The following TPRG1L variants were observed in gnomAD, a reference collection of about 807,000 sequenced individuals.
TPRG1L encodes the protein tumor protein p63-regulated gene 1-like protein.
A neutral mutation model predicts 29.4 loss-of-function variants in TPRG1L; 25 were observed. The observed-to-expected ratio is 0.85, with a 90% confidence interval of 0.62 to 1.19. The LOEUF (loss-of-function observed/expected upper bound fraction) is 1.19, where lower values mean the gene tolerates loss of function less well. Among genes scored for constraint, TPRG1L ranks in the 50% most tolerant of loss-of-function variants. The pLI, the probability that TPRG1L is intolerant of heterozygous loss-of-function variation, is 0.00. For synonymous variants in TPRG1L, 182 were observed against 151.1 expected (o/e 1.20, Z -1.50); for missense variants, 354 against 364.4 (o/e 0.97, Z 0.23).
At chr1:3,628,371 C>A in intron 4 of TPRG1L, 38 bp from the exon 5 acceptor site, 1 of 1,523,774 alleles carries the variant, frequency 6.6e-7, no homozygotes, top group South Asian at 1.2e-5. Flanking sequence ...TCTTATCTTG[C>A]CTGACAGTTA....
chr1:3,627,806 T>A (rs554255640), intron 4 of TPRG1L, among the ~76,000 whole-genome samples, 153 bp downstream of exon 4: 36 of 152,302 alleles, frequency 2.4e-4, no homozygotes, highest in African/African-American at 8.7e-4. Context: ...GAAGCTCTCA[T>A]TTTAGAGTTG....
At chr1:3,625,543 G>T (rs1415931770) in intron 2 of TPRG1L, 28 bp downstream of exon 2, 3 of 1,513,250 alleles carry the variant, frequency 2.0e-6, no homozygotes, top group East Asian at 4.9e-5. Context: ...TCTCCTTGGT[G>T]GGGGGACTCG....
Position 3,628,866 on chromosome 1 carries a change from CTGG to C in TPRG1L, c.*265_*267del, listed in dbSNP as rs1241699489. 2.3e-5 allele frequency: 8 copies of C among 350,270 alleles called. No homozygotes were observed. Among genetic ancestry groups the C allele is most frequent in the Non-Finnish European group, 4.2e-5 (8 of 192,154 alleles). The allele number at this position is 350,270 out of a possible 1,614,324, so 21.7% of individuals were successfully genotyped here. On this transcript the variant is annotated 3_prime_UTR_variant, in exon 5 of 5. Transcript: ENST00000378344. ...AAAGACTCTCGCTGTCCCTGTGCTG[CTGG>C]TATTTCATTCTCTGTAACTTCAGTT...
intron 3 of TPRG1L, among the ~76,000 whole-genome samples, chr1:3,626,092 G>A (rs1022659860): frequency 2.6e-5 from 4 of 152,228 alleles, no homozygotes; most frequent in African/African-American, 9.6e-5. Flanking sequence ...AGGAATTCTG[G>A]CACAGAAGGC....
Position 3,625,107 on chromosome 1 carries a change from G to A in TPRG1L, c.35G>A (p.Gly12Asp). Residue 12 changes from glycine to aspartate, a missense_variant, in exon 1 of 5, where the codon GGT becomes GAT. Gly to Asp is a moderately conservative substitution (Grantham distance 94). Transcript: ENST00000378344. ...CTGCGGGACTCGGTGGACTCGGCCG[G>A]TACGAGCCCCACGGCGGTGCTGGCG... ...LQLRDSVDSA[G>D]TSPTAVLAAG... 3 of 1,224,670 alleles carry A rather than the reference G, an allele frequency of 2.4e-6. No homozygotes were observed. The highest frequency in any genetic ancestry group is 3.1e-6 in the Non-Finnish European group (3 of 976,434). The allele number at this position is 1,224,670 out of a possible 1,614,324, so 75.9% of individuals were successfully genotyped here. A position where few individuals can be genotyped will look rare whatever the true frequency, so the allele number is the denominator to read the frequency against.
chr1:3,625,993 A>G (rs1644485671), intron 3 of TPRG1L, 104 bp downstream of exon 3: 3 of 1,128,508 alleles, frequency 2.7e-6, no homozygotes, highest in East Asian at 5.1e-5. Context: ...CTTCTCTGTC[A>G]TTAATTATAA....
At position 3,625,165 on chromosome 1, in the gene TPRG1L, G is replaced by T; in HGVS notation, c.93G>T (p.Pro31=). 1.6e-6 allele frequency: 2 copies of T among 1,239,974 alleles called. No homozygotes were observed. The allele number at this position is 1,239,974 out of a possible 1,614,324, so 76.8% of individuals were successfully genotyped here. A position where few individuals can be genotyped will look rare whatever the true frequency, so the allele number is the denominator to read the frequency against. The change falls in exon 1 of 5, where the codon CCG becomes CCT. Residue 31 remains proline, a synonymous_variant. Coordinates refer to ENST00000378344, the MANE Select transcript of TPRG1L (RefSeq NM_182752.4). ...AGGAGGTGGGGGCAGGCGGCGGCCC[G>T]GGCGGGGGGCGGCCGGGGGCGGGGA... The part of the protein sequence containing the change: ...AGEEVGAGGG[P]GGGRPGAGTP...
rs1349824158 is a variant in TPRG1L at position 3,628,793 on chromosome 1, T to C, written c.*190T>C. 1 of 538,682 alleles carries C rather than the reference T, an allele frequency of 1.9e-6. No individual in the cohort carries two copies. The highest frequency in any genetic ancestry group is 2.9e-5 in the East Asian group (1 of 34,238). 33.4% of individuals were successfully genotyped at this position (538,682 alleles called of 1,614,324 possible). On this transcript the variant is annotated 3_prime_UTR_variant, in exon 5 of 5. Coordinates refer to ENST00000378344, the MANE Select transcript of TPRG1L (RefSeq NM_182752.4). ...AGAATCGTAAAGTGAATTCTATCTA[T>C]TTAATTGGATATTGGACTCTGCTCA...
chr1:3,625,724 G>A lies in TPRG1L; in HGVS notation c.305G>A (p.Trp102Ter). 1 of 1,612,620 alleles carries A rather than the reference G, an allele frequency of 6.2e-7. No individual in the cohort carries two copies. Among genetic ancestry groups the A allele is most frequent in the South Asian group, 1.1e-5 (1 of 90,948 alleles). Residue 102 changes from tryptophan to a stop codon, truncating the protein, a stop_gained, in exon 3 of 5, where the codon TGG becomes TAG. Coordinates refer to ENST00000378344, the MANE Select transcript of TPRG1L (RefSeq NM_182752.4). LOFTEE classifies it high-confidence loss of function. Reference sequence around the variant, plus strand: ...TCCTCTGCCTACAGGGTGGATCACTGGAACAATGAGAAGGAGCGGCTGGTG... The same window carrying A: ...TCCTCTGCCTACAGGGTGGATCACTAGAACAATGAGAAGGAGCGGCTGGTG... ...GVWLLTEVDH[W>*]NNEKERLVLV...
rs143747731 is a variant in TPRG1L, at chr1:3,628,427, C to G, written c.643C>G (p.Leu215Val). The stretch of plus-strand genomic sequence containing the variant: ...TTTAAAGTTGGAAAGCTTCAAGGCT[C>G]TGTTAATCCAAGCTGTCAAAAAAGC... ...SLCQLESFKALLIQAVKKAQK... is the reference protein window; with the variant it reads ...SLCQLESFKAVLIQAVKKAQK... The change falls in exon 5 of 5, where the codon CTG becomes GTG. Residue 215 changes from leucine to valine, a missense_variant. Leu to Val is a conservative substitution (Grantham distance 32). Coordinates refer to ENST00000378344, the MANE Select transcript of TPRG1L (RefSeq NM_182752.4). The G allele has an allele frequency of 4.7e-5, 75 of 1,608,644 alleles. No individual in the cohort carries two copies. The African/African-American group carries it at 8.4e-4, about 18-fold the overall frequency.
At position 3,627,533 on chromosome 1, in the gene TPRG1L, C is replaced by T. The variant is rs757246325; in HGVS notation, c.504C>T (p.Asp168=). Residue 168 remains aspartate, a synonymous_variant, in exon 4 of 5, where the codon GAC becomes GAT. Transcript: ENST00000378344. ...GTTTTGGGATTCGAATTCAGTGGGACAAGCAAAGTCGTCCTTCCTTCATAA... is the reference window on the plus strand; with the variant it reads ...GTTTTGGGATTCGAATTCAGTGGGATAAGCAAAGTCGTCCTTCCTTCATAA... The part of the protein sequence containing the change: ...REGFGIRIQW[D]KQSRPSFINR... 1 of 1,614,046 alleles carries T rather than the reference C, an allele frequency of 6.2e-7. No homozygotes were observed. Among genetic ancestry groups the T allele is most frequent in the Non-Finnish European group, 8.5e-7 (1 of 1,180,016 alleles).
chr1:3,628,702 C>A lies in TPRG1L; in HGVS notation c.*99C>A. 8.6e-7 allele frequency: 1 copy of A among 1,162,684 alleles called. No individual in the cohort carries two copies. Among genetic ancestry groups the A allele is most frequent in the African/African-American group, 1.5e-5 (1 of 65,320 alleles). The allele number at this position is 1,162,684 out of a possible 1,614,324, so 72.0% of individuals were successfully genotyped here. On this transcript the variant is annotated 3_prime_UTR_variant, in exon 5 of 5. Coordinates refer to ENST00000378344, the MANE Select transcript of TPRG1L (RefSeq NM_182752.4). Reference sequence around the variant, plus strand: ...CTGGGGGACTGGGAGGCCTGGCAGTCTTCATGCTGCCCTGCTGCTGCTGGA... The same window carrying A: ...CTGGGGGACTGGGAGGCCTGGCAGTATTCATGCTGCCCTGCTGCTGCTGGA...
chr1:3,628,304 C>A (rs16823926), intron 4 of TPRG1L, 105 bp from the exon 5 acceptor site: 2 of 979,510 alleles, frequency 2.0e-6, no homozygotes, highest in Non-Finnish European at 3.0e-6. Flanking sequence ...AAGAGATAGG[C>A]GGCATTTGGA....
At chr1:3,625,592 G>A in intron 2 of TPRG1L, 77 bp downstream of exon 2, 1 of 1,562,868 alleles carries the variant, frequency 6.4e-7, no homozygotes, top group Admixed American at 1.9e-5. Flanking sequence ...GGACTTCCCG[G>A]GGTGCTCGTG....
At chr1:3,627,362 T>G in intron 3 of TPRG1L, 138 bp from the exon 4 acceptor site, 2 of 868,786 alleles carry the variant, frequency 2.3e-6, no homozygotes, top group Non-Finnish European at 3.5e-6. Flanking sequence ...CCGTTTTCCA[T>G]TGTGATATGT....
At position 3,625,752 on chromosome 1, in the gene TPRG1L, G is replaced by A; in HGVS notation, c.333G>A (p.Leu111=). 1 of 1,613,330 alleles carries A rather than the reference G, an allele frequency of 6.2e-7. No individual in the cohort carries two copies. The highest frequency in any genetic ancestry group is 1.3e-5 in the African/African-American group (1 of 75,066). ...HWNNEKERLV[L]VTEQSLLICK... ...ACAATGAGAAGGAGCGGCTGGTGCT[G>A]GTCACGGAGCAGTCCCTGCTTATCT... The change falls in exon 3 of 5, where the codon CTG becomes CTA. Residue 111 remains leucine (L), a synonymous_variant. Coordinates refer to ENST00000378344, the MANE Select transcript of TPRG1L (RefSeq NM_182752.4).
intron 3 of TPRG1L, among the ~76,000 whole-genome samples, chr1:3,626,966 ATAC>A (rs1337553034): frequency 6.6e-6 from 1 of 152,216 alleles, no homozygotes; most frequent in African/African-American, 2.4e-5. Flanking sequence ...TGTCATATTT[ATAC>A]CCACAGTATT....
chr1:3,627,926 G>A (rs1001342346), intron 4 of TPRG1L, among the ~76,000 whole-genome samples: 3 of 152,244 alleles, frequency 2.0e-5, no homozygotes, highest in Non-Finnish European at 4.4e-5. Flanking sequence ...TGGTGATCTG[G>A]GTGGGGAAGG....
intron 3 of TPRG1L, among the ~76,000 whole-genome samples, chr1:3,626,165 C>A (rs1305438184): frequency 6.6e-6 from 1 of 152,164 alleles, no homozygotes; most frequent in Non-Finnish European, 1.5e-5. Flanking sequence ...TAGAGCCCAG[C>A]GTGTTAAAAA....
Sources: gnomAD v4.1 joint callset for allele counts (sites outside exome capture counted in the v4.1 genomes callset) on GRCh38, gnomAD v4.1.1 for gene constraint, MANE v1.5 for transcripts, NCBI Gene and HGNC (gene_info 2026-07-23, HGNC 2026-07-21) for gene names.